The following AFG1L variants were observed in gnomAD, a reference collection of about 807,000 sequenced individuals.
The protein encoded by AFG1L is AFG1 like ATPase.
Under a neutral mutation model 62.2 loss-of-function variants are expected in AFG1L, and 53 were observed. That is an observed-to-expected ratio of 0.85 (90% CI 0.68 to 1.07). The LOEUF (loss-of-function observed/expected upper bound fraction) is 1.07, where lower values mean the gene tolerates loss of function less well. Among genes scored for constraint, AFG1L ranks in the 50% least tolerant of loss-of-function variants. The pLI is 0.00. For synonymous variants in AFG1L, 228 were observed against 210.3 expected (o/e 1.08, Z -0.73); for missense variants, 555 against 590.5 (o/e 0.94, Z 0.62).
intron 3 of AFG1L, among the ~76,000 whole-genome samples, chr6:108,354,041 T>C (rs1321964490): frequency 2.0e-5 from 3 of 152,112 alleles, no homozygotes; most frequent in Admixed American, 6.6e-5. Flanking sequence ...AGTGATCTTG[T>C]GGTGGTGGGA....
chr6:108,309,796 T>C (rs1777334412), intron 1 of AFG1L, among the ~76,000 whole-genome samples: 1 of 152,074 alleles, frequency 6.6e-6, no homozygotes, highest in African/African-American at 2.4e-5. Context: ...ACACAAAATA[T>C]CTTATTAATA....
At chr6:108,520,876 C>T (rs1445593913) in intron 12 of AFG1L, 2 of 152,254 alleles carry the variant, frequency 1.3e-5, no homozygotes, top group Non-Finnish European at 2.9e-5. Context: ...TCTGTCTTTT[C>T]TGTATAAACC....
At chr6:108,365,057 A>G (rs577539242) in intron 5 of AFG1L, among the ~76,000 whole-genome samples, 119 of 152,276 alleles carry the variant, frequency 7.8e-4, no homozygotes, top group African/African-American at 2.6e-3. Context: ...ACCAATTTTT[A>G]TGTCCTCTAA....
intron 7 of AFG1L, among the ~76,000 whole-genome samples, chr6:108,417,272 A>G (rs1208425010): frequency 1.6e-5 from 2 of 126,920 alleles, no homozygotes; most frequent in African/African-American, 3.2e-5. Context: ...ACACGCACAC[A>G]CACACACACA....
intron 7 of AFG1L, among the ~76,000 whole-genome samples, chr6:108,412,345 G>C (rs934841459): frequency 3.9e-5 from 6 of 152,020 alleles, no homozygotes; most frequent in Non-Finnish European, 8.8e-5. Flanking sequence ...TACTCTTCAG[G>C]GTATTATCCA....
rs1237079443 is a variant in AFG1L at position 108,444,055 on chromosome 6, CCCAT to C, written c.808-3157_808-3154del. On this transcript the variant is annotated intron_variant, in intron 7 of 12. Coordinates refer to ENST00000368977, the MANE Select transcript of AFG1L (RefSeq NM_145315.5). ...CATTCTTCTACTGAAGTGAATATCT[CCCAT>C]CTATCTATCTATCTATCTATCTATC... is the stretch of plus-strand genomic sequence containing the variant. 1.5e-4 allele frequency among the ~76,000 whole-genome samples: 19 copies of C among 130,212 alleles called. No individual in the cohort carries two copies. In the South Asian group the frequency reaches 2.9e-3, roughly 20 times the overall value. The allele number at this position is 130,212 out of a possible 152,430, so 85.4% of individuals were successfully genotyped here. A position where few individuals can be genotyped will look rare whatever the true frequency, so the allele number is the denominator to read the frequency against.
Position 108,355,657 on chromosome 6 carries a change from C to T in AFG1L, c.419C>T (p.Thr140Ile), listed in dbSNP as rs1299594858. 9 of 1,582,190 alleles carry T rather than the reference C, an allele frequency of 5.7e-6. 1 individual carries two copies. The South Asian group carries it at 7.0e-5, about 12-fold the overall frequency. ...TAAAATTTTTTTTATTTTTAAGGTA[C>T]AGGAAAAACAATGGTGATGGACATG... ...RGLYVYGDVG[T>I]GKTMVMDMFY... is the part of the protein sequence containing the mutation. Residue 140 changes from threonine to isoleucine, a missense_variant, in exon 4 of 13, where the codon ACA becomes ATA. By Grantham distance (89) the Thr-to-Ile change is moderately conservative. Coordinates refer to ENST00000368977, the MANE Select transcript of AFG1L (RefSeq NM_145315.5).
At chr6:108,406,891 T>C (rs1027375618) in intron 7 of AFG1L, among the ~76,000 whole-genome samples, 1 of 152,228 alleles carries the variant, frequency 6.6e-6, no homozygotes, top group African/African-American at 2.4e-5. Flanking sequence ...GCTTGCTTCC[T>C]TTACTACCAG....
intron 7 of AFG1L, 68 bp from the exon 8 acceptor site, chr6:108,447,146 A>G (rs1000523528): frequency 6.4e-6 from 5 of 784,034 alleles, no homozygotes; most frequent in Non-Finnish European, 1.1e-5. Context: ...AATGTATAGT[A>G]TAAGGGAAGG....
intron 10 of AFG1L, among the ~76,000 whole-genome samples, chr6:108,483,908 A>G (rs2114832182): frequency 6.6e-6 from 1 of 152,290 alleles, no homozygotes. Flanking sequence ...TATACCATAT[A>G]GTATCCCTTC....
intron 6 of AFG1L, among the ~76,000 whole-genome samples, chr6:108,379,489 A>G (rs1203396261): frequency 6.6e-6 from 1 of 152,188 alleles, no homozygotes; most frequent in Non-Finnish European, 1.5e-5. Context: ...TGTAGAATGC[A>G]CAGTGGTCTG....
At chr6:108,517,447 C>T (rs1774945983) in intron 11 of AFG1L, among the ~76,000 whole-genome samples, 1 of 152,106 alleles carries the variant, frequency 6.6e-6, no homozygotes, top group Non-Finnish European at 1.5e-5. Context: ...ACTGGCTAGC[C>T]ATATGTAGAA....
Position 108,356,692 on chromosome 6 carries a change from A to G in AFG1L, c.520A>G (p.Ile174Val). 1.9e-6 allele frequency: 3 copies of G among 1,601,770 alleles called. No individual in the cohort carries two copies. Among genetic ancestry groups the G allele is most frequent in the Non-Finnish European group, 1.7e-6 (2 of 1,174,078 alleles). Residue 174 changes from isoleucine to valine, a missense_variant and splice_region_variant, in exon 5 of 13, where the codon ATA (isoleucine) becomes GTA (valine). Ile to Val is a conservative substitution (Grantham distance 29). Coordinates refer to ENST00000368977, the MANE Select transcript of AFG1L (RefSeq NM_145315.5). Reference sequence around the variant, plus strand: ...GTGTTTAATTTCATGCATTTAAGGAATACATCGCCTTAAACAGAGTTTGCC... The same window carrying G: ...GTGTTTAATTTCATGCATTTAAGGAGTACATCGCCTTAAACAGAGTTTGCC... ...HGFMLDVHKR[I>V]HRLKQSLPKR...
chr6:108,483,135 A>G (rs1321538260), intron 10 of AFG1L, among the ~76,000 whole-genome samples: 1 of 152,170 alleles, frequency 6.6e-6, no homozygotes, highest in Admixed American at 6.5e-5. Flanking sequence ...GAATCCAGTT[A>G]TTTTCTATTA....
chr6:108,425,560 G>A (rs1770774647), intron 7 of AFG1L, among the ~76,000 whole-genome samples: 3 of 152,134 alleles, frequency 2.0e-5, no homozygotes, highest in Admixed American at 2.0e-4. Flanking sequence ...TAGCAGCAGA[G>A]CCAGGTCTAC....
At chr6:108,411,947 G>A (rs951327302) in intron 7 of AFG1L, among the ~76,000 whole-genome samples, 2 of 151,608 alleles carry the variant, frequency 1.3e-5, no homozygotes, top group South Asian at 4.2e-4. Context: ...TCAGACAATC[G>A]GTAATAACAA....
intron 1 of AFG1L, among the ~76,000 whole-genome samples, chr6:108,312,423 T>A (rs1777447552): frequency 6.6e-6 from 1 of 152,160 alleles, no homozygotes; most frequent in Non-Finnish European, 1.5e-5. Context: ...AGTGTGTACC[T>A]GTAGTCCCAG....
chr6:108,441,712 A>AAAATATATATATATAT (rs1401294615), intron 7 of AFG1L, among the ~76,000 whole-genome samples: 12 of 139,486 alleles, frequency 8.6e-5, no homozygotes, highest in African/African-American at 2.8e-4. Flanking sequence ...AAAAAAAAAA[A>AAAATATATATATATAT]ATATATATAT....
At chr6:108,410,728 CAAT>C (rs1299094464) in intron 7 of AFG1L, among the ~76,000 whole-genome samples, 1 of 151,948 alleles carries the variant, frequency 6.6e-6, no homozygotes, top group Non-Finnish European at 1.5e-5. Context: ...GTAAGTCAGA[CAAT>C]AAAAATTTTT....
Sources: gnomAD v4.1 joint callset for allele counts (sites outside exome capture counted in the v4.1 genomes callset) on GRCh38, gnomAD v4.1.1 for gene constraint, MANE v1.5 for transcripts, NCBI Gene and HGNC (gene_info 2026-07-23, HGNC 2026-07-21) for gene names.